Variants in PASD1 observed in about 807,000 individuals in gnomAD.
PASD1 encodes PAS domain containing repressor 1, also known as circadian clock protein PASD1.
PASD1 carries 13 observed loss-of-function variants against 58.8 expected under a neutral mutation model. The ratio of observed to expected loss-of-function variants is 0.22; its 90% confidence interval spans 0.14 to 0.35. The LOEUF is 0.35. Among genes scored for constraint, PASD1 ranks in the 10% least tolerant of loss-of-function variants. The pLI, the probability that PASD1 is intolerant of heterozygous loss-of-function variation, is 1.00. For missense variants in PASD1, 734 were observed against 568.3 expected, an observed-to-expected ratio of 1.29 and a Z score of -2.96; for synonymous variants, 236 against 216.7, an observed-to-expected ratio of 1.09 and a Z score of -0.78.
chrX:151,578,264 A>G (rs1220839628), intron 1 of PASD1: 3 of 111,918 alleles, frequency 2.7e-5, no homozygotes, highest in African/African-American at 9.8e-5. Flanking sequence ...ACCTATTTTT[A>G]TTTTTGCTTA....
chrX:151,667,360 T>C (rs1172671919), intron 11 of PASD1, among the ~76,000 whole-genome samples: 12 of 111,729 alleles, frequency 1.1e-4, no homozygotes, highest in Non-Finnish European at 1.9e-4. Context: ...TAGTTTCTTT[T>C]GCTGTGCAGA....
chrX:151,660,301 G>C (rs1437414430), intron 10 of PASD1, among the ~76,000 whole-genome samples: 1 of 111,768 alleles, frequency 8.9e-6, no homozygotes, highest in Non-Finnish European at 1.9e-5. Flanking sequence ...CAAAACTTAA[G>C]GAAATGGTGG....
At chrX:151,637,033 A>G (rs2013939785) in intron 8 of PASD1, among the ~76,000 whole-genome samples, 1 of 112,258 alleles carries the variant, frequency 8.9e-6, no homozygotes, top group Admixed American at 9.4e-5. Context: ...TCTTTCTCTC[A>G]ACACAATTCC....
chrX:151,658,001 C>T (rs1290764321), intron 9 of PASD1, among the ~76,000 whole-genome samples: 2 of 111,073 alleles, frequency 1.8e-5, no homozygotes, highest in Non-Finnish European at 3.8e-5. Context: ...AATAAGCCAC[C>T]ACAGGGAAAA....
At chrX:151,659,958 C>A in intron 10 of PASD1, 122 bp downstream of exon 10, 1 of 592,235 alleles carries the variant, frequency 1.7e-6, no homozygotes, top group Non-Finnish European at 2.4e-6. Flanking sequence ...GAGTGAATTC[C>A]AACTTTCTTC....
At chrX:151,608,337 A>G (rs189432377) in intron 3 of PASD1, among the ~76,000 whole-genome samples, 3 of 111,863 alleles carry the variant, frequency 2.7e-5, no homozygotes, top group East Asian at 2.8e-4. Flanking sequence ...TTCCTCTTCT[A>G]TGAGATGCTT....
At chrX:151,593,763 A>C (rs1174741822) in intron 1 of PASD1, among the ~76,000 whole-genome samples, 5 of 110,978 alleles carry the variant, frequency 4.5e-5, no homozygotes, top group African/African-American at 6.6e-5. Context: ...TATACCCAGT[A>C]ATGGGATTGC....
At chrX:151,625,349 T>C in intron 7 of PASD1, 99 bp from the exon 8 acceptor site, 1 of 537,749 alleles carries the variant, frequency 1.9e-6, no homozygotes, top group Non-Finnish European at 2.9e-6. Context: ...AGATTATTTG[T>C]AACATTGGAT....
chrX:151,565,303 G>T (rs1192805634), intron 1 of PASD1, among the ~76,000 whole-genome samples: 2 of 112,210 alleles, frequency 1.8e-5, no homozygotes, highest in Admixed American at 9.4e-5. Context: ...TTGGACTCAT[G>T]ACTTTGAAAG....
chrX:151,674,996 C>T (rs745531675), intron 15 of PASD1, among the ~76,000 whole-genome samples: 12 of 111,908 alleles, frequency 1.1e-4, no homozygotes, highest in Admixed American at 3.8e-4. Context: ...CTTAGAGGGA[C>T]TGCTCACACG....
intron 9 of PASD1, among the ~76,000 whole-genome samples, chrX:151,654,722 G>A (rs1252618356): frequency 1.8e-5 from 2 of 111,689 alleles, no homozygotes; most frequent in African/African-American, 6.5e-5. Context: ...GTATGGTGGG[G>A]TTCAAGGAGA....
At chrX:151,579,240 A>G (rs1305096626) in intron 1 of PASD1, among the ~76,000 whole-genome samples, 10 of 112,323 alleles carry the variant, frequency 8.9e-5, no homozygotes. Context: ...GTCATATAAA[A>G]TGTTAATCTT....
At chrX:151,606,775 A>T (rs2013494455) in intron 3 of PASD1, among the ~76,000 whole-genome samples, 1 of 110,386 alleles carries the variant, frequency 9.1e-6, no homozygotes, top group Non-Finnish European at 1.9e-5. Context: ...TGCCAAAAGC[A>T]AGCAGACATA....
chrX:151,672,354 C>T lies in PASD1; in HGVS notation c.1609C>T (p.Arg537Trp), dbSNP rs762183231. ...QEKKKLQEQRRQKKKKLQERK... is the reference protein window; with the variant it reads ...QEKKKLQEQRWQKKKKLQERK... ...GAAGAAGAAGCTGCAGGAGCAGAGG[C>T]GGCAAAAGAAGAAGAAGCTACAGGA... The change falls in exon 14 of 16, where the codon CGG (arginine) becomes TGG (tryptophan). Residue 537 changes from arginine (R) to tryptophan (W), a missense_variant. Physicochemically the swap from Arg to Trp is moderately radical, Grantham distance 101. Transcript: ENST00000370357. 8 of 1,190,905 alleles carry T rather than the reference C, an allele frequency of 6.7e-6. No homozygotes were observed. The highest frequency in any genetic ancestry group is 3.7e-5 in the South Asian group (2 of 54,660).
chrX:151,653,868 C>CTCCCTCCCTCCTTCTTTCTT, intron 9 of PASD1, among the ~76,000 whole-genome samples: 1 of 16,462 alleles, frequency 6.1e-5, no homozygotes, highest in East Asian at 4.0e-3. Context: ...CCCTCCCTCC[C>CTCCCTCCCTCCTTCTTTCTT]TCTTTCTTTC....
At chrX:151,600,767 T>G (rs903390778) in intron 1 of PASD1, among the ~76,000 whole-genome samples, 1 of 112,128 alleles carries the variant, frequency 8.9e-6, no homozygotes, top group Admixed American at 9.5e-5. Flanking sequence ...GTTCAGGTTA[T>G]TTTTTATCTA....
intron 11 of PASD1, among the ~76,000 whole-genome samples, chrX:151,668,916 A>AT (rs5904327): frequency 7.5e-5 from 7 of 93,260 alleles, no homozygotes; most frequent in African/African-American, 2.7e-4. Flanking sequence ...AAAAAAAGAG[A>AT]TTTTTTTTTT....
chrX:151,666,221 G>A (rs2014378355), intron 11 of PASD1, among the ~76,000 whole-genome samples: 1 of 109,646 alleles, frequency 9.1e-6, no homozygotes, highest in Non-Finnish European at 1.9e-5. Flanking sequence ...GTGGCTCTCT[G>A]ACCTTGTTTA....
At chrX:151,574,471 G>T (rs2012971610) in intron 1 of PASD1, among the ~76,000 whole-genome samples, 1 of 112,019 alleles carries the variant, frequency 8.9e-6, no homozygotes, top group African/African-American at 3.2e-5. Flanking sequence ...ATGAATTCTA[G>T]AGGGTTCAGG....
Sources: gnomAD v4.1 joint callset for allele counts (sites outside exome capture counted in the v4.1 genomes callset) on GRCh38, gnomAD v4.1.1 for gene constraint, MANE v1.5 for transcripts, NCBI Gene and HGNC (gene_info 2026-07-23, HGNC 2026-07-21) for gene names.